DTX4: variants seen among roughly 807,000 people sequenced by gnomAD.
DTX4 encodes the protein E3 ubiquitin-protein ligase DTX4.
Under a neutral mutation model 57.6 loss-of-function variants are expected in DTX4, and 28 were observed. That is an observed-to-expected ratio of 0.49 (90% confidence interval 0.36 to 0.67). The LOEUF (loss-of-function observed/expected upper bound fraction) is 0.67. Ranked by LOEUF, DTX4 falls within the 30% of genes least tolerant of loss-of-function variation. DTX4 has a pLI of 0.00. For synonymous variants in DTX4, 316 were observed against 331.0 expected (o/e 0.95, Z 0.49); for missense variants, 715 against 836.8 (o/e 0.85, Z 1.80).
At chr11:59,190,571 A>G (rs1862585804) in intron 4 of DTX4, among the ~76,000 whole-genome samples, 1 of 152,146 alleles carries the variant, frequency 6.6e-6, no homozygotes, top group Admixed American at 6.5e-5. Context: ...TGCTTCCCAG[A>G]GGATCACCCT....
At chr11:59,196,616 G>A (rs1862674745) in intron 7 of DTX4, among the ~76,000 whole-genome samples, 2 of 152,216 alleles carry the variant, frequency 1.3e-5, no homozygotes, top group Non-Finnish European at 1.5e-5. Flanking sequence ...GGAGGTGAGT[G>A]ATGGGTGAGC....
rs1862822632 is a variant in DTX4 at position 59,207,137 on chromosome 11, AG to A, written c.*2231del. 1 of 152,358 alleles carries A rather than the reference AG, an allele frequency of 6.6e-6. No individual in the cohort carries two copies. The highest frequency in any genetic ancestry group is 2.1e-4 in the South Asian group (1 of 4,836). 9.4% of individuals were successfully genotyped at this position (152,358 alleles called of 1,614,324 possible). On this transcript the variant is annotated 3_prime_UTR_variant, in exon 9 of 9. Coordinates refer to ENST00000227451, the MANE Select transcript of DTX4 (RefSeq NM_015177.2). ...GCCGCAAGGATGCAGAAATAGGCTG[AG>A]GGTCCATGGGAAGAAAGACACAATG... is the stretch of plus-strand genomic sequence containing the variant.
chr11:59,178,845 C>T (rs1021745367), intron 1 of DTX4, among the ~76,000 whole-genome samples: 4 of 151,898 alleles, frequency 2.6e-5, no homozygotes, highest in African/African-American at 9.7e-5. Flanking sequence ...GTAGAAGGGA[C>T]CTAGCGAATT....
In DTX4 at chr11:59,189,158, C is replaced by T. The variant is rs1161302665; in HGVS notation, c.998-4C>T. 1.2e-6 allele frequency: 2 copies of T among 1,612,974 alleles called. No individual in the cohort carries two copies. Among genetic ancestry groups the T allele is most frequent in the Non-Finnish European group, 1.7e-6 (2 of 1,179,796 alleles). On this transcript the variant is annotated splice_polypyrimidine_tract_variant and splice_region_variant and intron_variant, in intron 3 of 8. Coordinates refer to ENST00000227451, the MANE Select transcript of DTX4 (RefSeq NM_015177.2). ...TTTCCTCACCCATGCCCTGCCCCTT[C>T]CAGGAATCACTGGGATCCTCATGAG...
At chr11:59,184,351 T>G (rs1222751658) in intron 2 of DTX4, among the ~76,000 whole-genome samples, 1 of 152,246 alleles carries the variant, frequency 6.6e-6, no homozygotes, top group East Asian at 1.9e-4. Flanking sequence ...TGTCTTCAGT[T>G]TCCTCATCTG....
intron 1 of DTX4, among the ~76,000 whole-genome samples, chr11:59,175,804 G>C (rs902466093): frequency 2.0e-5 from 3 of 152,082 alleles, no homozygotes; most frequent in Non-Finnish European, 4.4e-5. Flanking sequence ...GAAGATCCAG[G>C]CTGAGAGTGG....
rs1014649392 is a variant in DTX4, at chr11:59,204,965, G to A, written c.*56G>A. ...ATGGAGACTGCAGGACAGGAAGTGA[G>A]GAGAGTGAGTCAATGTAGAAGAAGT... On this transcript the variant is annotated 3_prime_UTR_variant, in exon 9 of 9. Transcript: ENST00000227451. 1 of 1,460,912 alleles carries A rather than the reference G, an allele frequency of 6.8e-7. No individual in the cohort carries two copies. Among genetic ancestry groups the A allele is most frequent in the Admixed American group, 2.0e-5 (1 of 50,622 alleles). 90.5% of individuals were successfully genotyped at this position (1,460,912 alleles called of 1,614,324 possible).
Position 59,181,785 on chromosome 11 carries a change from C to T in DTX4, c.258C>T (p.Ala86=). The T allele has an allele frequency of 1.2e-6, 2 of 1,613,572 alleles. No homozygotes were observed. Among genetic ancestry groups the T allele is most frequent in the African/African-American group, 1.3e-5 (1 of 75,044 alleles). ...GCAACTACTACGACCCCTCCTCGGCCCCTGGGAAGGGCGTGGTGTGGGAGT... is the reference window on the plus strand; with the variant it reads ...GCAACTACTACGACCCCTCCTCGGCTCCTGGGAAGGGCGTGGTGTGGGAGT... ...VRRNYYDPSS[A]PGKGVVWEWE... is the part of the protein sequence containing the mutation. Residue 86 remains alanine (A), a synonymous_variant, in exon 2 of 9, where the codon GCC becomes GCT. Coordinates refer to ENST00000227451, the MANE Select transcript of DTX4 (RefSeq NM_015177.2).
At chr11:59,201,920 C>T (rs1286699363) in intron 8 of DTX4, among the ~76,000 whole-genome samples, 3 of 152,220 alleles carry the variant, frequency 2.0e-5, no homozygotes, top group African/African-American at 7.2e-5. Context: ...CATTAACCTT[C>T]TTGGACTCCT....
chr11:59,182,579 C>T, intron 2 of DTX4, 117 bp downstream of exon 2: 4 of 1,367,882 alleles, frequency 2.9e-6, no homozygotes, highest in Non-Finnish European at 2.9e-6. Context: ...TTGTGCTGAC[C>T]CCTGGCTGCA....
intron 1 of DTX4, among the ~76,000 whole-genome samples, chr11:59,178,706 C>T (rs1036766598): frequency 6.6e-6 from 1 of 152,174 alleles, no homozygotes; most frequent in African/African-American, 2.4e-5. Context: ...AGTCAAGCTA[C>T]ACAGCTCAGG....
Position 59,208,271 on chromosome 11 carries a change from C to A in DTX4, c.*3362C>A, listed in dbSNP as rs1369401041. 6.6e-6 allele frequency: 1 copy of A among 152,340 alleles called. No individual in the cohort carries two copies. The highest frequency in any genetic ancestry group is 6.5e-5 in the Admixed American group (1 of 15,272). 9.4% of individuals were successfully genotyped at this position (152,340 alleles called of 1,614,324 possible). ...CCTGAGTCTGTAAGCAACCACAAGC[C>A]CTGCCACTGGGTGGGGGAAGTCCCT... On this transcript the variant is annotated 3_prime_UTR_variant, in exon 9 of 9. Coordinates refer to ENST00000227451, the MANE Select transcript of DTX4 (RefSeq NM_015177.2).
chr11:59,204,865 G>T lies in DTX4; in HGVS notation c.1816G>T (p.Ala606Ser), dbSNP rs563474440. 2 of 1,600,174 alleles carry T rather than the reference G, an allele frequency of 1.2e-6. No individual in the cohort carries two copies. The highest frequency in any genetic ancestry group is 1.1e-5 in the South Asian group (1 of 88,714). Residue 606 changes from alanine to serine, a missense_variant, in exon 9 of 9, where the codon GCC becomes TCC. Coordinates refer to ENST00000227451, the MANE Select transcript of DTX4 (RefSeq NM_015177.2). ...YLDNVLAELA[A>S]QGISEDSTAQ... is the part of the protein sequence containing the mutation. ...GGATAATGTGCTGGCTGAACTGGCT[G>T]CCCAGGGCATCTCTGAGGACAGCAC...
Position 59,206,720 on chromosome 11 carries a change from C to G in DTX4, c.*1811C>G, listed in dbSNP as rs570877582. ...ATAGTCGATTCACCTGCCTGTCAGT[C>G]GATTCACCTGCCTGTCACCCAGTTC... On this transcript the variant is annotated 3_prime_UTR_variant, in exon 9 of 9. Transcript: ENST00000227451. The G allele has an allele frequency of 1.3e-5, 2 of 152,638 alleles. No individual in the cohort carries two copies. Among genetic ancestry groups the G allele is most frequent in the Non-Finnish European group, 2.9e-5 (2 of 68,014 alleles). The allele number at this position is 152,638 out of a possible 1,614,324, so 9.5% of individuals were successfully genotyped here.
In DTX4 at chr11:59,204,813, C is replaced by G. The variant is rs1350885838; in HGVS notation, c.1764C>G (p.Gly588=). ...CAGAGTTTGGCTCTAATCTCACTGG[C>G]CATGGCTACCCAGATGCCAATTACC... ...HKTEFGSNLT[G]HGYPDANYLD... Residue 588 remains glycine (G), a synonymous_variant, in exon 9 of 9, where the codon GGC becomes GGG. Coordinates refer to ENST00000227451, the MANE Select transcript of DTX4 (RefSeq NM_015177.2). 5.6e-6 allele frequency: 9 copies of G among 1,611,824 alleles called. No homozygotes were observed. The African/African-American group carries it at 1.2e-4, about 22-fold the overall frequency.
At chr11:59,189,802 C>T (rs1166759855) in intron 4 of DTX4, among the ~76,000 whole-genome samples, 1 of 152,164 alleles carries the variant, frequency 6.6e-6, no homozygotes, top group African/African-American at 2.4e-5. Flanking sequence ...CCTGTGTCCC[C>T]CTAGAACCTA....
chr11:59,194,471 G>A (rs1590987333), intron 6 of DTX4, among the ~76,000 whole-genome samples: 1 of 152,104 alleles, frequency 6.6e-6, no homozygotes, highest in East Asian at 1.9e-4. Flanking sequence ...CATAGCAGTA[G>A]TTTCCAAACC....
At chr11:59,180,126 C>T (rs1862445469) in intron 1 of DTX4, among the ~76,000 whole-genome samples, 1 of 152,082 alleles carries the variant, frequency 6.6e-6, no homozygotes, top group South Asian at 2.1e-4. Context: ...GAAGTCACTA[C>T]CCAGGACCCA....
At chr11:59,180,492 G>T (rs529101873) in intron 1 of DTX4, among the ~76,000 whole-genome samples, 1 of 152,330 alleles carries the variant, frequency 6.6e-6, no homozygotes, top group East Asian at 1.9e-4. Context: ...ATGGGATTCT[G>T]TCCCCAGTCT....
Sources: allele counts gnomAD v4.1 joint callset (sites outside exome capture counted in the v4.1 genomes callset), GRCh38; gene constraint gnomAD v4.1.1; transcripts MANE v1.5; gene names NCBI Gene and HGNC (gene_info 2026-07-23, HGNC 2026-07-21).